The following KLHL18 variants were observed in gnomAD, a reference collection of about 807,000 sequenced individuals.
KLHL18 encodes the protein kelch like family member 18.
A neutral mutation model predicts 58.5 loss-of-function variants in KLHL18; 38 were observed. That is an observed-to-expected ratio of 0.65 (90% CI 0.50 to 0.85). The LOEUF (loss-of-function observed/expected upper bound fraction) is 0.85. Among genes scored for constraint, KLHL18 ranks in the 40% least tolerant of loss-of-function variants. The pLI is 0.00. For synonymous variants in KLHL18, 303 were observed against 301.9 expected (o/e 1.00, Z -0.04); for missense variants, 624 against 778.4 (o/e 0.80, Z 2.36).
chr3:47,323,751 A>C (rs1048205864), intron 3 of KLHL18, among the ~76,000 whole-genome samples: 1 of 152,114 alleles, frequency 6.6e-6, no homozygotes, highest in Non-Finnish European at 1.5e-5. Context: ...CCCAGCCTTC[A>C]CCTGAGCCTA....
In KLHL18 at chr3:47,345,394, G is replaced by C. The variant is rs1704207468; in HGVS notation, c.*1453G>C. 3 of 152,606 alleles carry C rather than the reference G, an allele frequency of 2.0e-5. No individual in the cohort carries two copies. Among genetic ancestry groups the C allele is most frequent in the Non-Finnish European group, 4.4e-5 (3 of 68,024 alleles). 9.5% of individuals were successfully genotyped at this position (152,606 alleles called of 1,614,324 possible). A position where few individuals can be genotyped will look rare whatever the true frequency, so the allele number is the denominator to read the frequency against. On this transcript the variant is annotated 3_prime_UTR_variant, in exon 10 of 10. Coordinates refer to ENST00000232766, the MANE Select transcript of KLHL18 (RefSeq NM_025010.5). ...GCACAGCTGGCTTTTATGACATAAA[G>C]AACTAAAGGCCGAAAGAATCTCTTG...
intron 2 of KLHL18, among the ~76,000 whole-genome samples, chr3:47,320,938 G>C (rs909272794): frequency 6.6e-6 from 1 of 152,064 alleles, no homozygotes; most frequent in Admixed American, 6.6e-5. Context: ...AGAAATCTTA[G>C]GCCAGTTACT....
At chr3:47,301,900 A>G (rs1252758708) in intron 1 of KLHL18, among the ~76,000 whole-genome samples, 1 of 152,042 alleles carries the variant, frequency 6.6e-6, no homozygotes, top group Admixed American at 6.6e-5. Flanking sequence ...GGCTCAAGCA[A>G]TTCTCTCACC....
intron 3 of KLHL18, among the ~76,000 whole-genome samples, chr3:47,328,896 C>G (rs1008883129): frequency 7.2e-5 from 11 of 151,986 alleles, no homozygotes; most frequent in Admixed American, 6.6e-4. Flanking sequence ...TTTGGGAGGC[C>G]GAGGCAGGTG....
intron 1 of KLHL18, chr3:47,297,776 A>G: frequency 2.6e-6 from 1 of 386,386 alleles, no homozygotes; most frequent in Non-Finnish European, 5.1e-6. Context: ...AGTATGAGGC[A>G]CTGTGTTAAG....
chr3:47,322,446 C>T (rs1251749992), intron 2 of KLHL18, 122 bp from the exon 3 acceptor site: 2 of 844,812 alleles, frequency 2.4e-6, no homozygotes, highest in South Asian at 3.9e-5. Flanking sequence ...GAAGTAGTTA[C>T]TCCATTAGAT....
In KLHL18 at chr3:47,309,677, G is replaced by A. The variant is rs1703245574; in HGVS notation, c.130-9976G>A. ...TGGGAGGTGGAGGTTGTAGCTAGCC[G>A]AGATCACGCCACTGCACTCCAGCCT... On this transcript the variant is annotated intron_variant, in intron 1 of 9. Coordinates refer to ENST00000232766, the MANE Select transcript of KLHL18 (RefSeq NM_025010.5). 3.3e-5 allele frequency among the ~76,000 whole-genome samples: 5 copies of A among 152,310 alleles called. No individual in the cohort carries two copies. The South Asian group carries it at 6.2e-4, about 19-fold the overall frequency.
chr3:47,311,224 TGACCTC>T (rs1010773426), intron 1 of KLHL18, among the ~76,000 whole-genome samples: 66 of 152,218 alleles, frequency 4.3e-4, no homozygotes, highest in Middle Eastern at 3.4e-3. Flanking sequence ...TTAGCCAGGA[TGACCTC>T]GATCTTCTGG....
intron 1 of KLHL18, among the ~76,000 whole-genome samples, chr3:47,287,988 C>T (rs947665993): frequency 5.3e-5 from 8 of 151,824 alleles, no homozygotes; most frequent in East Asian, 1.9e-4. Flanking sequence ...TGTGGGAGGC[C>T]GAGATGGGCA....
chr3:47,297,386 G>C (rs1559487394), intron 1 of KLHL18, among the ~76,000 whole-genome samples: 2 of 152,136 alleles, frequency 1.3e-5, no homozygotes, highest in South Asian at 4.1e-4. Flanking sequence ...CATTGAAGGT[G>C]AAAGAATCCC....
Position 47,334,673 on chromosome 3 carries a change from C to T in KLHL18, c.762-10C>T, listed in dbSNP as rs1458292390. Reference sequence around the variant, plus strand: ...TACCTCCTGTTCTAGCATCTTCCACCTTATTCTAGGGACCTGGTAGACGAA... The same window carrying T: ...TACCTCCTGTTCTAGCATCTTCCACTTTATTCTAGGGACCTGGTAGACGAA... On this transcript the variant is annotated splice_polypyrimidine_tract_variant and intron_variant, in intron 5 of 9. Transcript: ENST00000232766. This position sits in a 1 kb window ranked among gnomAD's most constrained non-coding sequence, Gnocchi z 4.7. 6.2e-7 allele frequency: 1 copy of T among 1,613,994 alleles called. No homozygotes were observed. Among genetic ancestry groups the T allele is most frequent in the East Asian group, 2.2e-5 (1 of 44,870 alleles).
At position 47,318,565 on chromosome 3, in the gene KLHL18, A is replaced by G. The variant is rs184102051; in HGVS notation, c.130-1088A>G. ...CAAGAGTGAGCATTTACTGGGAGCT[A>G]TTTAGAGGTTGGGTACCACAGGGAA... On this transcript the variant is annotated intron_variant, in intron 1 of 9. Transcript: ENST00000232766. Among the ~76,000 whole-genome samples, 132 of 152,308 alleles carry G rather than the reference A, an allele frequency of 8.7e-4. 2 individuals carry two copies. The highest frequency in any genetic ancestry group is 3.0e-3 in the African/African-American group (123 of 41,578).
intron 2 of KLHL18, 46 bp from the exon 3 acceptor site, chr3:47,322,522 A>G: frequency 6.5e-7 from 1 of 1,532,970 alleles, no homozygotes; most frequent in South Asian, 1.3e-5. Flanking sequence ...CCGTGGGCCA[A>G]GACTCGTCTC....
rs1425662257 is a variant in KLHL18 at position 47,322,650 on chromosome 3, G to A, written c.343G>A (p.Ala115Thr). Residue 115 changes from alanine to threonine, a missense_variant, in exon 3 of 10, where the codon GCG becomes ACG. Coordinates refer to ENST00000232766, the MANE Select transcript of KLHL18 (RefSeq NM_025010.5). ...QQNVQSLLMG[A>T]SFLQLQSIKD... is the part of the protein sequence containing the mutation. Reference sequence around the variant, plus strand: ...AAATGTCCAGTCATTGCTGATGGGGGCGAGCTTCCTGCAGCTGCAGAGCAT... The same window carrying A: ...AAATGTCCAGTCATTGCTGATGGGGACGAGCTTCCTGCAGCTGCAGAGCAT... 6.2e-7 allele frequency: 1 copy of A among 1,605,740 alleles called. No homozygotes were observed. Among genetic ancestry groups the A allele is most frequent in the South Asian group, 1.1e-5 (1 of 89,144 alleles).
In KLHL18 at chr3:47,343,764, G is replaced by A; in HGVS notation, c.1548G>A (p.Arg516=). Residue 516 remains arginine, a synonymous_variant, in exon 10 of 10, where the codon CGG becomes CGA. Coordinates refer to ENST00000232766, the MANE Select transcript of KLHL18 (RefSeq NM_025010.5). The part of the protein sequence containing the change: ...LIVPMHTRRS[R]VSLVASCGRL... The stretch of plus-strand genomic sequence containing the variant: ...TCCCCATGCACACGCGCAGGAGCCG[G>A]GTCTCCCTGGTGGCCAGCTGTGGGC... 1 of 1,614,212 alleles carries A rather than the reference G, an allele frequency of 6.2e-7. No homozygotes were observed. Among genetic ancestry groups the A allele is most frequent in the African/African-American group, 1.3e-5 (1 of 75,072 alleles).
chr3:47,341,987 G>A (rs1704120123), intron 8 of KLHL18, among the ~76,000 whole-genome samples: 1 of 152,056 alleles, frequency 6.6e-6, no homozygotes, highest in South Asian at 2.1e-4. Flanking sequence ...TGAGAAGGCT[G>A]AGGCAGGAAG....
intron 7 of KLHL18, 158 bp from the exon 8 acceptor site, chr3:47,340,414 G>C (rs978076825): frequency 9.9e-6 from 5 of 504,854 alleles, no homozygotes; most frequent in African/African-American, 8.3e-5. Context: ...GAATGATGGG[G>C]CAGCTTCTGT....
At chr3:47,283,238 G>C in intron 1 of KLHL18, 144 bp downstream of exon 1, 1 of 698,688 alleles carries the variant, frequency 1.4e-6, no homozygotes, top group Non-Finnish European at 2.2e-6. Flanking sequence ...GGGGAGAGAG[G>C]TGCCGAGCAA....
At chr3:47,340,817 A>C in intron 8 of KLHL18, 141 bp downstream of exon 8, 1 of 778,288 alleles carries the variant, frequency 1.3e-6, no homozygotes, top group Non-Finnish European at 2.0e-6. Context: ...TGTATATACT[A>C]GATATTTAAT....
Sources: gnomAD v4.1 joint callset for allele counts (sites outside exome capture counted in the v4.1 genomes callset) on GRCh38, gnomAD v4.1.1 for gene constraint, Gnocchi (gnomAD v3.1) non-coding constraint, MANE v1.5 for transcripts, NCBI Gene and HGNC (gene_info 2026-07-23, HGNC 2026-07-21) for gene names.